Variants in CMIP observed in about 807,000 individuals in gnomAD.
CMIP encodes the protein c-Maf inducing protein.
In CMIP, 13 loss-of-function variants were observed where a neutral mutation model predicts 97.3. The observed-to-expected ratio is 0.13, with a 90% CI of 0.09 to 0.21. The LOEUF is 0.21. CMIP is among the 10% of genes least tolerant of loss of function. The probability of loss-of-function intolerance (pLI) is 1.00; values close to 1 mark genes in which losing one functional copy is unlikely to be tolerated. For synonymous variants in CMIP, 538 were observed against 436.3 expected (o/e 1.23, Z -2.91); for missense variants, 847 against 1,024.9 (o/e 0.83, Z 2.37).
chr16:81,457,021 G>A (rs912987063), intron 1 of CMIP, among the ~76,000 whole-genome samples: 1 of 152,186 alleles, frequency 6.6e-6, no homozygotes, highest in African/African-American at 2.4e-5. Context: ...AGAGCGCTCT[G>A]TCACAGCCGG....
At chr16:81,570,740 C>T (rs796250484) in intron 1 of CMIP, among the ~76,000 whole-genome samples, 14 of 152,326 alleles carry the variant, frequency 9.2e-5, no homozygotes, top group African/African-American at 3.4e-4. Context: ...GGTGCTCTGT[C>T]TCTAGCGATC....
intron 1 of CMIP, among the ~76,000 whole-genome samples, chr16:81,550,975 C>G (rs1162244288): frequency 2.0e-4 from 30 of 147,134 alleles, no homozygotes; most frequent in African/African-American, 7.2e-4. Context: ...CACACGCACC[C>G]CAGTCCCGTC....
At chr16:81,481,306 G>A (rs1432752505) in intron 1 of CMIP, among the ~76,000 whole-genome samples, 1 of 152,180 alleles carries the variant, frequency 6.6e-6, no homozygotes, top group Non-Finnish European at 1.5e-5. Context: ...GTCTCTGCAT[G>A]AGCTCCCTCA....
At position 81,607,643 on chromosome 16, in the gene CMIP, C is replaced by T. The variant is rs1027281056; in HGVS notation, c.377C>T (p.Pro126Leu). The T allele has an allele frequency of 2.9e-5, 47 of 1,614,024 alleles. No individual in the cohort carries two copies. Among genetic ancestry groups the T allele is most frequent in the Non-Finnish European group, 3.7e-5 (44 of 1,179,892 alleles). ...DVQLLSWENAPKYCLQLTIPG... is the reference protein window; with the variant it reads ...DVQLLSWENALKYCLQLTIPG... ...CAGCTGCTGTCCTGGGAGAATGCCC[C>T]GAAGTACTGTTTACAGCTCACGATT... Residue 126 changes from proline (P) to leucine (L), a missense_variant, in exon 2 of 21, where the codon CCG becomes CTG. By Grantham distance (98) the Pro-to-Leu change is moderately conservative (BLOSUM62 -3). Transcript: ENST00000537098.
At chr16:81,546,636 G>T (rs74943370) in intron 1 of CMIP, among the ~76,000 whole-genome samples, 3 of 152,162 alleles carry the variant, frequency 2.0e-5, no homozygotes, top group Admixed American at 6.5e-5. Context: ...CTGCGGCCTC[G>T]TGGAGAAAAT....
At chr16:81,647,928 G>A (rs1391740730) in intron 3 of CMIP, among the ~76,000 whole-genome samples, 3 of 29,506 alleles carry the variant, frequency 1.0e-4, no homozygotes, top group Non-Finnish European at 1.9e-4. Context: ...CGCACCCGCA[G>A]AGCCGTAGCC....
intron 1 of CMIP, among the ~76,000 whole-genome samples, chr16:81,517,554 G>A (rs563117717): frequency 8.5e-5 from 13 of 152,166 alleles, no homozygotes; most frequent in South Asian, 2.1e-4. Flanking sequence ...TCAGGTAAAG[G>A]GGATTTTGTT....
intron 1 of CMIP, among the ~76,000 whole-genome samples, chr16:81,499,217 C>T (rs2089549748): frequency 6.6e-6 from 1 of 152,100 alleles, no homozygotes; most frequent in African/African-American, 2.4e-5. Flanking sequence ...CCCAGCATGG[C>T]CACACCCCCT....
At chr16:81,469,277 A>G (rs1197034693) in intron 1 of CMIP, among the ~76,000 whole-genome samples, 1 of 152,248 alleles carries the variant, frequency 6.6e-6, no homozygotes, top group African/African-American at 2.4e-5. Flanking sequence ...CAGGCCAGTA[A>G]TCAAAACAGC....
At chr16:81,493,049 G>A (rs997269027) in intron 1 of CMIP, among the ~76,000 whole-genome samples, 6 of 152,176 alleles carry the variant, frequency 3.9e-5, no homozygotes, top group East Asian at 1.9e-4. Context: ...GGGAGGAGCC[G>A]CTGGCGGGGG....
In CMIP at chr16:81,652,921, T is replaced by C. The variant is rs2092444320; in HGVS notation, c.639+557T>C. On this transcript the variant is annotated intron_variant, in intron 4 of 20. Coordinates refer to ENST00000537098, the MANE Select transcript of CMIP (RefSeq NM_198390.3). This position sits in a 1 kb window ranked among gnomAD's most constrained non-coding sequence, Gnocchi z 5.2. ...CTCCTCGCATATTGAATGTGTGCTT[T>C]GTGCCAGGCACCATCTGGGAATTCA... 6.6e-6 allele frequency among the ~76,000 whole-genome samples: 1 copy of C among 152,156 alleles called. No individual in the cohort carries two copies. The highest frequency in any genetic ancestry group is 6.5e-5 in the Admixed American group (1 of 15,282).
At chr16:81,549,548 G>A (rs938167621) in intron 1 of CMIP, among the ~76,000 whole-genome samples, 8 of 151,770 alleles carry the variant, frequency 5.3e-5, no homozygotes, top group East Asian at 1.9e-4. Flanking sequence ...TGTTGGGGGC[G>A]GGGGGCGGAG....
chr16:81,568,039 G>GTGTGTGTGTT (rs10629229), intron 1 of CMIP, among the ~76,000 whole-genome samples: 40 of 82,536 alleles, frequency 4.8e-4, no homozygotes, highest in South Asian at 1.2e-3. Context: ...GTGTGTGTGT[G>GTGTGTGTGTT]TTTTTTTTTT....
In CMIP at chr16:81,670,628, G is replaced by A. The variant is rs950368815; in HGVS notation, c.929+383G>A. Among the ~76,000 whole-genome samples, 5 of 148,574 alleles carry A rather than the reference G, an allele frequency of 3.4e-5. 1 individual carries two copies. In the East Asian group the frequency reaches 8.2e-4, roughly 24 times the overall value. Reference sequence around the variant, plus strand: ...GTGTTTTGGGTTTTTTTTGGGGGGGGGGGGGGTGGTTGCTTTTGCTTTGTT... The same window carrying A: ...GTGTTTTGGGTTTTTTTTGGGGGGGAGGGGGGTGGTTGCTTTTGCTTTGTT... On this transcript the variant is annotated intron_variant, in intron 8 of 20. Transcript: ENST00000537098.
chr16:81,453,679 C>T lies in CMIP; in HGVS notation c.300+8138C>T, dbSNP rs530271328. ...CCCAGGCAGGCTAGCTGCCGTAACACGCAGCCCTGGCATCTGGGTGGCTTC... is the reference window on the plus strand; with the variant it reads ...CCCAGGCAGGCTAGCTGCCGTAACATGCAGCCCTGGCATCTGGGTGGCTTC... On this transcript the variant is annotated intron_variant, in intron 1 of 20. Coordinates refer to ENST00000537098, the MANE Select transcript of CMIP (RefSeq NM_198390.3). The surrounding 1 kb of genome is among the most constrained non-coding windows in gnomAD (Gnocchi z 4.0). Among the ~76,000 whole-genome samples, 23 of 152,330 alleles carry T rather than the reference C, an allele frequency of 1.5e-4. No individual in the cohort carries two copies. Among genetic ancestry groups the T allele is most frequent in the African/African-American group, 4.1e-4 (17 of 41,568 alleles).
intron 10 of CMIP, among the ~76,000 whole-genome samples, chr16:81,687,354 T>C (rs978198794): frequency 6.6e-6 from 1 of 152,146 alleles, no homozygotes; most frequent in African/African-American, 2.4e-5. Context: ...ACTGCTCCAG[T>C]GGCCACCCCT....
chr16:81,676,403 C>T (rs1904310442), intron 9 of CMIP, among the ~76,000 whole-genome samples: 1 of 152,124 alleles, frequency 6.6e-6, no homozygotes, highest in East Asian at 1.9e-4. Context: ...AATGTACTCA[C>T]ACTGAAAAGA....
At chr16:81,517,993 CG>C in intron 1 of CMIP, 4 of 795,348 alleles carry the variant, frequency 5.0e-6, no homozygotes, top group Non-Finnish European at 6.1e-6. Flanking sequence ...AAGTAAGTGA[CG>C]GGGGTCCCTT....
intron 1 of CMIP, among the ~76,000 whole-genome samples, chr16:81,575,933 C>G (rs1476538808): frequency 6.6e-6 from 1 of 152,184 alleles, no homozygotes; most frequent in African/African-American, 2.4e-5. Flanking sequence ...AACTGTAAGA[C>G]TTTTCAAAAT....
Sources: gnomAD v4.1 joint callset for allele counts (sites outside exome capture counted in the v4.1 genomes callset) on GRCh38, gnomAD v4.1.1 for gene constraint, Gnocchi (gnomAD v3.1) non-coding constraint, MANE v1.5 for transcripts, NCBI Gene and HGNC (gene_info 2026-07-23, HGNC 2026-07-21) for gene names.